Variants in RNF138 observed in about 807,000 individuals in gnomAD.
The protein encoded by RNF138 is E3 ubiquitin-protein ligase RNF138.
In RNF138, 12 loss-of-function variants were observed where a neutral mutation model predicts 31.0. The observed-to-expected ratio is 0.39, with a 90% CI of 0.25 to 0.63. RNF138 has a LOEUF of 0.63. RNF138 is among the 20% of genes least tolerant of loss of function. The probability of loss-of-function intolerance (pLI) is 0.52; values close to 1 mark genes in which losing one functional copy is unlikely to be tolerated. For synonymous variants in RNF138, 105 were observed against 99.5 expected (o/e 1.06, Z -0.33); for missense variants, 192 against 300.1 (o/e 0.64, Z 2.66).
chr18:32,114,802 G>C (rs1405171067), intron 4 of RNF138, among the ~76,000 whole-genome samples: 1 of 152,094 alleles, frequency 6.6e-6, no homozygotes, highest in African/African-American at 2.4e-5. Flanking sequence ...CTAATTTTTA[G>C]TAACTTAACC....
intron 2 of RNF138, among the ~76,000 whole-genome samples, chr18:32,097,815 C>G (rs544065591): frequency 3.3e-5 from 5 of 151,746 alleles, no homozygotes; most frequent in African/African-American, 1.2e-4. Flanking sequence ...GAGCCACTAT[C>G]CTCGGCCTAA....
intron 1 of RNF138, chr18:32,092,494 A>T: frequency 2.4e-6 from 1 of 413,612 alleles, no homozygotes. Context: ...GGGCGGGCCC[A>T]CGGCATGCTG....
chr18:32,093,589 T>G (rs185434181), intron 2 of RNF138, among the ~76,000 whole-genome samples: 4 of 152,300 alleles, frequency 2.6e-5, no homozygotes, highest in African/African-American at 9.6e-5. Flanking sequence ...ACCTTTCTGC[T>G]TACTTATTAC....
At chr18:32,127,719 T>C (rs936350387) in intron 7 of RNF138, among the ~76,000 whole-genome samples, 2 of 152,230 alleles carry the variant, frequency 1.3e-5, no homozygotes, top group African/African-American at 4.8e-5. Flanking sequence ...GTAATGTATT[T>C]GGAAATACAA....
chr18:32,117,140 G>GA (rs1274075581), intron 4 of RNF138, among the ~76,000 whole-genome samples: 2 of 151,998 alleles, frequency 1.3e-5, no homozygotes, highest in African/African-American at 4.8e-5. Context: ...GACCTCAGGT[G>GA]ATCCACCTGC....
intron 2 of RNF138, among the ~76,000 whole-genome samples, chr18:32,106,208 G>C (rs901441779): frequency 2.0e-5 from 3 of 152,162 alleles, no homozygotes; most frequent in Non-Finnish European, 2.9e-5. Flanking sequence ...TTTGTTAGTA[G>C]TCTGGCGACA....
intron 7 of RNF138, among the ~76,000 whole-genome samples, chr18:32,128,021 A>G (rs931116024): frequency 1.3e-5 from 2 of 152,226 alleles, no homozygotes; most frequent in South Asian, 2.1e-4. Context: ...CAGAGCTTGC[A>G]GTGCGTGAAG....
At chr18:32,115,158 C>T (rs1683153528) in intron 4 of RNF138, among the ~76,000 whole-genome samples, 2 of 152,066 alleles carry the variant, frequency 1.3e-5, no homozygotes, top group African/African-American at 4.8e-5. Flanking sequence ...GAGCATATCT[C>T]CAGCTTTTAG....
Position 32,113,813 on chromosome 18 carries a change from T to C in RNF138, c.345T>C (p.Ser115=). 1 of 1,569,488 alleles carries C rather than the reference T, an allele frequency of 6.4e-7. No individual in the cohort carries two copies. Among genetic ancestry groups the C allele is most frequent in the Non-Finnish European group, 8.6e-7 (1 of 1,158,530 alleles). The change falls in exon 4 of 8, where the codon TCT becomes TCC. Residue 115 remains serine (S), a synonymous_variant. Coordinates refer to ENST00000261593, the MANE Select transcript of RNF138 (RefSeq NM_016271.5). The part of the protein sequence containing the change: ...CKKYQDEYGV[S]SIIPNFQISQ... ...AGTATCAGGATGAATATGGTGTTTC[T>C]TCTATCATTCCAAACTTTCAGATCT...
At chr18:32,111,361 G>A (rs1017253949) in intron 2 of RNF138, among the ~76,000 whole-genome samples, 1 of 152,168 alleles carries the variant, frequency 6.6e-6, no homozygotes, top group Non-Finnish European at 1.5e-5. Flanking sequence ...TTTTGTAAGG[G>A]GAGGAAATGG....
rs115677333 is a variant in RNF138 at position 32,110,230 on chromosome 18, C to G, written c.111-1524C>G. ...CTGGTCTTCAACTCCTTGCCTCAAG[C>G]TGTCCTCCTGCCTTGTCCTCCCAAA... On this transcript the variant is annotated intron_variant, in intron 2 of 7. Coordinates refer to ENST00000261593, the MANE Select transcript of RNF138 (RefSeq NM_016271.5). Among the ~76,000 whole-genome samples the G allele has an allele frequency of 1.3e-3, 196 of 152,274 alleles. 1 individual carries two copies. The highest frequency in any genetic ancestry group is 4.4e-3 in the African/African-American group (182 of 41,568).
chr18:32,099,464 G>A (rs952729441), intron 2 of RNF138, among the ~76,000 whole-genome samples: 3 of 152,122 alleles, frequency 2.0e-5, no homozygotes, highest in African/African-American at 7.2e-5. Context: ...GTGCAGTGGT[G>A]CAGTCTTGGC....
chr18:32,107,194 C>G (rs2040047193), intron 2 of RNF138, among the ~76,000 whole-genome samples: 1 of 143,322 alleles, frequency 7.0e-6, no homozygotes, highest in Non-Finnish European at 1.5e-5. Context: ...GATCTCGGCT[C>G]CCTGCAACCT....
rs80105716 is a variant in RNF138 at position 32,125,129 on chromosome 18, G to A, written c.561+284G>A. The A allele has an allele frequency of 6.6e-3, 1,671 of 255,054 alleles. 27 individuals are homozygous for A. Among genetic ancestry groups the A allele is most frequent in the African/African-American group, 0.033 (1,536 of 46,306 alleles). The allele number at this position is 255,054 out of a possible 1,614,324, so 15.8% of individuals were successfully genotyped here. On this transcript the variant is annotated intron_variant, in intron 6 of 7. Transcript: ENST00000261593. ...AGATGAACCGGGAACTCATTCCTGC[G>A]CAGTAGCACAACCTGTCTATTGAGG...
At chr18:32,100,595 C>T (rs1050208578) in intron 2 of RNF138, among the ~76,000 whole-genome samples, 20 of 151,394 alleles carry the variant, frequency 1.3e-4, no homozygotes, top group Non-Finnish European at 2.4e-4. Context: ...CCTGCCTCAG[C>T]CTCCCAAGTA....
At chr18:32,123,652 C>CTTTT in intron 5 of RNF138, 78 bp downstream of exon 5, 61 of 636,850 alleles carry the variant, frequency 9.6e-5, no homozygotes, top group South Asian at 1.5e-4. Flanking sequence ...TTAAATTAAA[C>CTTTT]TTTTTTTTTT....
At chr18:32,112,231 A>G (rs2040144063) in intron 3 of RNF138, among the ~76,000 whole-genome samples, 1 of 152,118 alleles carries the variant, frequency 6.6e-6, no homozygotes, top group Non-Finnish European at 1.5e-5. Context: ...GCTCATTTAA[A>G]CCCCATTCTG....
intron 2 of RNF138, among the ~76,000 whole-genome samples, chr18:32,101,148 G>A (rs2144573154): frequency 6.6e-6 from 1 of 152,112 alleles, no homozygotes; most frequent in Admixed American, 6.6e-5. Context: ...GAGGTAGGAG[G>A]GAACATGCAG....
intron 7 of RNF138, among the ~76,000 whole-genome samples, chr18:32,127,309 T>G (rs116620469): frequency 1.3e-5 from 2 of 152,316 alleles, no homozygotes; most frequent in African/African-American, 4.8e-5. Flanking sequence ...TAAAAATGAA[T>G]TCATAAAGCA....
Sources: allele counts gnomAD v4.1 joint callset (sites outside exome capture counted in the v4.1 genomes callset), GRCh38; gene constraint gnomAD v4.1.1; transcripts MANE v1.5; gene names NCBI Gene and HGNC (gene_info 2026-07-23, HGNC 2026-07-21).